Variants in PXDN observed in about 807,000 individuals in gnomAD.
PXDN encodes the protein peroxidasin, also known as peroxidasin homolog.
Under a neutral mutation model 140.3 loss-of-function variants are expected in PXDN, and 77 were observed. The observed-to-expected ratio is 0.55, with a 90% confidence interval of 0.46 to 0.66. The LOEUF is 0.66. Ranked by LOEUF, PXDN falls within the 30% of genes least tolerant of loss-of-function variation. PXDN has a pLI of 0.00. For synonymous variants in PXDN, 911 were observed against 857.4 expected (o/e 1.06, Z -1.09); for missense variants, 1,838 against 2,039.5 (o/e 0.90, Z 1.90).
intron 11 of PXDN, 141 bp from the exon 12 acceptor site, chr2:1,663,904 T>C: frequency 1.0e-6 from 1 of 993,434 alleles, no homozygotes; most frequent in East Asian, 2.4e-5. Flanking sequence ...CATAAGCAAA[T>C]CTTTGCCTCC....
At position 1,662,583 on chromosome 2, in the gene PXDN, A is replaced by G. The variant is rs1683331081; in HGVS notation, c.1568-399T>C. Among the ~76,000 whole-genome samples, 5 of 151,752 alleles carry G rather than the reference A, an allele frequency of 3.3e-5. No homozygotes were observed. The South Asian group carries it at 1.0e-3, about 32-fold the overall frequency. Reference sequence around the variant, plus strand: ...GATAACAAGCTCTGGGGAGAGCCCGACTCTCGGAGAAGGAAACAGAGGGGA... The same window carrying G: ...GATAACAAGCTCTGGGGAGAGCCCGGCTCTCGGAGAAGGAAACAGAGGGGA... On this transcript the variant is annotated intron_variant, in intron 12 of 22. Coordinates refer to ENST00000252804, the MANE Select transcript of PXDN (RefSeq NM_012293.3).
At chr2:1,716,431 C>G (rs1172037995) in intron 1 of PXDN, among the ~76,000 whole-genome samples, 1 of 115,046 alleles carries the variant, frequency 8.7e-6, no homozygotes, top group Admixed American at 1.0e-4. Context: ...GAGTGAGACT[C>G]CATCTCAGGA....
intron 6 of PXDN, 113 bp downstream of exon 6, chr2:1,683,543 C>CTTGTTTG: frequency 2.2e-6 from 2 of 930,030 alleles, no homozygotes; most frequent in South Asian, 1.9e-5. Flanking sequence ...CTCATTCTTT[C>CTTGTTTG]AGAATCAGAT....
intron 1 of PXDN, among the ~76,000 whole-genome samples, chr2:1,720,728 A>T (rs144998589): frequency 0.022 from 1,384 of 64,144 alleles, 38 homozygotes; most frequent in African/African-American, 0.081. Context: ...TCTCTCTCAC[A>T]CACACACACA....
intron 14 of PXDN, 27 bp from the exon 15 acceptor site, chr2:1,654,535 C>T (rs1683087480): frequency 2.0e-6 from 3 of 1,502,592 alleles, no homozygotes; most frequent in African/African-American, 1.4e-5. Context: ...TCGCGTATTA[C>T]CAGGAAAAAT....
At chr2:1,719,694 C>T (rs902101960) in intron 1 of PXDN, among the ~76,000 whole-genome samples, 8 of 152,202 alleles carry the variant, frequency 5.3e-5, no homozygotes, top group Non-Finnish European at 1.2e-4. Context: ...ACATGGACCA[C>T]TGTCCTGGGT....
chr2:1,696,321 T>C (rs1443842501), intron 1 of PXDN, among the ~76,000 whole-genome samples: 1 of 152,176 alleles, frequency 6.6e-6, no homozygotes, highest in East Asian at 1.9e-4. Flanking sequence ...TTTCACAAGC[T>C]GCTCACAGCA....
At chr2:1,705,089 G>A (rs891578054) in intron 1 of PXDN, among the ~76,000 whole-genome samples, 2 of 146,968 alleles carry the variant, frequency 1.4e-5, no homozygotes, top group Non-Finnish European at 3.0e-5. Flanking sequence ...GATGTCGCCC[G>A]GCACTGCCCA....
In PXDN at chr2:1,685,252, G is replaced by T. The variant is rs933565228; in HGVS notation, c.417-1101C>A. ...CATCCCTGCCCCTTGCCCCGGGACA[G>T]GTCTGTGCTCAGCACTCCGCGCACG... is the stretch of plus-strand genomic sequence containing the variant. On this transcript the variant is annotated intron_variant, in intron 4 of 22. Transcript: ENST00000252804. This position sits in a 1 kb window ranked among gnomAD's most constrained non-coding sequence, Gnocchi z 5.1. 1.3e-5 allele frequency among the ~76,000 whole-genome samples: 2 copies of T among 152,224 alleles called. No homozygotes were observed. The highest frequency in any genetic ancestry group is 2.9e-5 in the Non-Finnish European group (2 of 68,036).
chr2:1,652,954 G>C (rs1212933884), intron 16 of PXDN: 1 of 163,404 alleles, frequency 6.1e-6, no homozygotes, highest in African/African-American at 2.4e-5. Context: ...GTGTGTGTGT[G>C]TGTGTGTGTG....
At chr2:1,713,098 A>AG (rs1473537811) in intron 1 of PXDN, among the ~76,000 whole-genome samples, 2 of 152,172 alleles carry the variant, frequency 1.3e-5, no homozygotes, top group African/African-American at 2.4e-5. Flanking sequence ...TGAGTCACAC[A>AG]GGTGGCCCCT....
Position 1,644,685 on chromosome 2 carries a change from T to G in PXDN, c.3676A>C (p.Ser1226Arg), listed in dbSNP as rs760479940. 1 of 1,605,442 alleles carries G rather than the reference T, an allele frequency of 6.2e-7. No individual in the cohort carries two copies. ...ALVVEDLVPG[S>R]RLGPTLMCLL... ...CACATCAGGGTGGGGCCCAGCCGGCTGCCAGGCACCAGGTCCTCCACCACG... is the reference window on the plus strand; with the variant it reads ...CACATCAGGGTGGGGCCCAGCCGGCGGCCAGGCACCAGGTCCTCCACCACG... The change falls in exon 18 of 23, where the codon AGC becomes CGC. Residue 1226 changes from serine (S) to arginine (R), a missense_variant. Physicochemically the swap from Ser to Arg is moderately radical, Grantham distance 110 (BLOSUM62 -1). Around this residue, in one of 5 missense-constraint regions of PXDN, gnomAD observed 850 missense variants for 894.1 expected, o/e 0.95. Transcript: ENST00000252804.
chr2:1,636,797 T>C (rs1285866396), intron 21 of PXDN: 1 of 151,918 alleles, frequency 6.6e-6, no homozygotes, highest in East Asian at 1.9e-4. Context: ...GTGACCTGCA[T>C]GTCACCTCTG....
rs184748074 is a variant in PXDN at position 1,658,289 on chromosome 2, G to A, written c.1837+2592C>T. Among the ~76,000 whole-genome samples, 24 of 152,052 alleles carry A rather than the reference G, an allele frequency of 1.6e-4. No individual in the cohort carries two copies. In the East Asian group the frequency reaches 4.7e-3, roughly 30 times the overall value. ...CTGACCTCTCCCTGCAGCTCACTTC[G>A]TGGCTCTCACCACCCACTCCAGGCT... On this transcript the variant is annotated intron_variant, in intron 14 of 22. Transcript: ENST00000252804.
intron 14 of PXDN, among the ~76,000 whole-genome samples, chr2:1,657,266 G>T (rs1235901809): frequency 6.7e-6 from 1 of 148,322 alleles, no homozygotes. Flanking sequence ...ACTGGGAACA[G>T]CCCCCTCCTG....
intron 1 of PXDN, 90 bp downstream of exon 1, chr2:1,744,166 T>G: frequency 1.4e-5 from 7 of 494,922 alleles, no homozygotes; most frequent in Non-Finnish European, 1.8e-5. Flanking sequence ...CCCTCCACCC[T>G]CCGCGCCCCC....
At chr2:1,717,022 G>A (rs894002110) in intron 1 of PXDN, among the ~76,000 whole-genome samples, 2 of 152,252 alleles carry the variant, frequency 1.3e-5, no homozygotes, top group African/African-American at 2.4e-5. Context: ...TGGTAAGCAC[G>A]ATCTCTGCTG....
In PXDN at chr2:1,648,273, G is replaced by T. The variant is rs1316086110; in HGVS notation, c.3507C>A (p.Pro1169=). Residue 1169 remains proline (P), a synonymous_variant, in exon 17 of 23, where the codon CCC becomes CCA. Coordinates refer to ENST00000252804, the MANE Select transcript of PXDN (RefSeq NM_012293.3). The surrounding 1 kb of genome is among the most constrained non-coding windows in gnomAD (Gnocchi z 8.9). ...IQRGRDHGIP[P]YHDYRVYCNL... ...TGCAGTAGACCCTGTAGTCGTGGTAGGGTGGGATCCCGTGGTCCCGGCCCC... is the reference window on the plus strand; with the variant it reads ...TGCAGTAGACCCTGTAGTCGTGGTATGGTGGGATCCCGTGGTCCCGGCCCC... 6.2e-7 allele frequency: 1 copy of T among 1,613,998 alleles called. No individual in the cohort carries two copies. The highest frequency in any genetic ancestry group is 1.7e-5 in the Admixed American group (1 of 60,028).
At position 1,663,565 on chromosome 2, in the gene PXDN, C is replaced by G. The variant is rs779824764; in HGVS notation, c.1567+40G>C. The stretch of plus-strand genomic sequence containing the variant: ...AATTCTGTGTTTCCTGATAACCGAT[C>G]TGAGAAAATCAATTCAGTCCACAAC... On this transcript the variant is annotated intron_variant, in intron 12 of 22. Transcript: ENST00000252804. 4.2e-5 allele frequency: 67 copies of G among 1,604,502 alleles called. 1 individual carries two copies. The highest frequency in any genetic ancestry group is 5.5e-5 in the Non-Finnish European group (64 of 1,173,568).
Sources: gnomAD v4.1 joint callset for allele counts (sites outside exome capture counted in the v4.1 genomes callset) on GRCh38, gnomAD v4.1.1 for gene constraint, gnomAD v4.1.1 regional missense constraint, Gnocchi (gnomAD v3.1) non-coding constraint, MANE v1.5 for transcripts, NCBI Gene and HGNC (gene_info 2026-07-23, HGNC 2026-07-21) for gene names.